ITGB2: variants seen among roughly 807,000 people sequenced by gnomAD.
ITGB2 encodes the protein integrin subunit beta 2.
ITGB2 carries 56 observed loss-of-function variants against 86.8 expected under a neutral mutation model. The ratio of observed to expected loss-of-function variants is 0.65; its 90% CI spans 0.52 to 0.81. ITGB2 has a LOEUF of 0.81. Ranked by LOEUF, ITGB2 falls within the 30% of genes least tolerant of loss-of-function variation. The pLI is 0.00. For synonymous variants in ITGB2, 457 were observed against 450.4 expected (o/e 1.01, Z -0.19); for missense variants, 948 against 1,061.2 (o/e 0.89, Z 1.48).
chr21:44,899,632 G>A (rs897545796), intron 7 of ITGB2, among the ~76,000 whole-genome samples: 5 of 152,204 alleles, frequency 3.3e-5, no homozygotes, highest in South Asian at 4.1e-4. Flanking sequence ...AGCCTACAAC[G>A]TCAGGCTGCA....
At position 44,903,381 on chromosome 21, in the gene ITGB2, G is replaced by C; in HGVS notation, c.483C>G (p.Thr161=). Residue 161 remains threonine, a synonymous_variant, in exon 5 of 16, where the codon ACC becomes ACG. Transcript: ENST00000652462. ...GGGCCTCACCAATGCGGCCGGACTCGGTGATCTCGTTGAGGGCCCGGAGCA... is the reference window on the plus strand; with the variant it reads ...GGGCCTCACCAATGCGGCCGGACTCCGTGATCTCGTTGAGGGCCCGGAGCA... ...GDLLRALNEI[T]ESGRIGFGSF... The C allele has an allele frequency of 1.2e-6, 2 of 1,614,102 alleles. No individual in the cohort carries two copies. Among genetic ancestry groups the C allele is most frequent in the Non-Finnish European group, 1.7e-6 (2 of 1,179,976 alleles).
At chr21:44,923,267 T>C (rs559192452), upstream of ITGB2, among the ~76,000 whole-genome samples, 1 of 152,266 alleles carries the variant, frequency 6.6e-6, no homozygotes. Context: ...AGAGAGACCC[T>C]TTAGATTAAG....
At chr21:44,888,671 C>A in intron 14 of ITGB2, 22 bp downstream of exon 14, 1 of 1,603,486 alleles carries the variant, frequency 6.2e-7, no homozygotes, top group South Asian at 1.1e-5. Context: ...AGCCGGTCCC[C>A]GCTGCACCCC....
intron 12 of ITGB2, 111 bp from the exon 13 acceptor site, chr21:44,889,606 G>T: frequency 9.5e-7 from 1 of 1,052,342 alleles, no homozygotes; most frequent in Non-Finnish European, 1.4e-6. Context: ...CCAGCCTGGG[G>T]GATGTTCCTG....
chr21:44,903,971 C>T lies in ITGB2; in HGVS notation c.329-436G>A, dbSNP rs1234266479. 2.0e-5 allele frequency among the ~76,000 whole-genome samples: 3 copies of T among 152,298 alleles called. No individual in the cohort carries two copies. The East Asian group carries it at 5.8e-4, about 29-fold the overall frequency. Reference sequence around the variant, plus strand: ...CCCAGCAAGGCCCACGCGGGCCGTCCCCAGGAGGCCCCTTTCTCCATCCCA... The same window carrying T: ...CCCAGCAAGGCCCACGCGGGCCGTCTCCAGGAGGCCCCTTTCTCCATCCCA... On this transcript the variant is annotated intron_variant, in intron 4 of 15. Transcript: ENST00000652462.
intron 2 of ITGB2, 44 bp downstream of exon 2, chr21:44,910,681 G>T: frequency 6.3e-7 from 1 of 1,597,994 alleles, no homozygotes; most frequent in Non-Finnish European, 8.6e-7. Context: ...CTCCCTGATT[G>T]GAATGTCACG....
chr21:44,924,545 AC>A (rs1412926542), upstream of ITGB2, among the ~76,000 whole-genome samples: 1 of 152,240 alleles, frequency 6.6e-6, no homozygotes, highest in African/African-American at 2.4e-5. Flanking sequence ...CAATTATGTT[AC>A]AAAGTGGGAC....
chr21:44,910,707 G>A lies in ITGB2; in HGVS notation c.58+18C>T, dbSNP rs753262696. ...GAATGTCACGCGTGGAGTCCCCTCC[G>A]TGGAACACAGAACTCACCGCACCCG... is the stretch of plus-strand genomic sequence containing the variant. On this transcript the variant is annotated intron_variant, in intron 2 of 15. Coordinates refer to ENST00000652462, the MANE Select transcript of ITGB2 (RefSeq NM_000211.5). The A allele has an allele frequency of 1.2e-5, 19 of 1,613,246 alleles. No individual in the cohort carries two copies. The highest frequency in any genetic ancestry group is 7.7e-5 in the South Asian group (7 of 90,992).
chr21:44,911,988 G>A (rs2084141341), intron 1 of ITGB2, among the ~76,000 whole-genome samples: 1 of 152,144 alleles, frequency 6.6e-6, no homozygotes, highest in Admixed American at 6.5e-5. Flanking sequence ...CTTTTATCTG[G>A]CACCAAGAAG....
rs1017648068 is a variant in ITGB2 at position 44,920,824 on chromosome 21, C to T, written c.-7G>A. 2.6e-5 allele frequency: 4 copies of T among 152,524 alleles called. No homozygotes were observed. The highest frequency in any genetic ancestry group is 7.2e-5 in the African/African-American group (3 of 41,464). The allele number at this position is 152,524 out of a possible 1,614,324, so 9.4% of individuals were successfully genotyped here. ...AGCGGGGCCTCTGCACACTCACCCT[C>T]GGTGTGCTGGAGTCCTCGGCGGTGC... On this transcript the variant is annotated 5_prime_UTR_variant, in exon 1 of 16. Transcript: ENST00000652462.
chr21:44,914,519 A>G (rs1164664079), intron 1 of ITGB2, among the ~76,000 whole-genome samples: 1 of 152,234 alleles, frequency 6.6e-6, no homozygotes, highest in Non-Finnish European at 1.5e-5. Context: ...AGCTCTGAAC[A>G]TTCAGGCTCT....
Position 44,889,446 on chromosome 21 carries a change from C to G in ITGB2, c.1707G>C (p.Glu569Asp), listed in dbSNP as rs753758717. 1.9e-6 allele frequency: 3 copies of G among 1,603,898 alleles called. No homozygotes were observed. Among genetic ancestry groups the G allele is most frequent in the Non-Finnish European group, 2.6e-6 (3 of 1,175,730 alleles). The change falls in exon 13 of 16, where the codon GAG becomes GAC. Residue 569 changes from glutamate (E) to aspartate (D), a missense_variant. By Grantham distance (45) the Glu-to-Asp change is conservative. Coordinates refer to ENST00000652462, the MANE Select transcript of ITGB2 (RefSeq NM_000211.5). ...CGKCRCHPGFEGSACQCERTT... is the reference protein window; with the variant it reads ...CGKCRCHPGFDGSACQCERTT... ...TCCTCTCGCACTGGCACGCTGAGCC[C>G]TCAAAGCCCGGGTGGCAGCGGCACT...
chr21:44,886,397 C>T lies in ITGB2; in HGVS notation c.2281G>A (p.Val761Ile). 1 of 1,614,146 alleles carries T rather than the reference C, an allele frequency of 6.2e-7. No individual in the cohort carries two copies. Among genetic ancestry groups the T allele is most frequent in the Non-Finnish European group, 8.5e-7 (1 of 1,179,992 alleles). The change falls in exon 16 of 16, where the codon GTC becomes ATC. Residue 761 changes from valine to isoleucine, a missense_variant. By Grantham distance (29) the Val-to-Ile change is conservative. Coordinates refer to ENST00000652462, the MANE Select transcript of ITGB2 (RefSeq NM_000211.5). ...CTCTCAGCAAACTTGGGGTTCATGA[C>T]CGTCGTGGTGGCGCTCTTGAAAAGG... Reference protein sequence around the residue: ...NPLFKSATTTVMNPKFAES With the variant: ...NPLFKSATTTIMNPKFAES
chr21:44,891,721 G>A (rs746447931), intron 11 of ITGB2, 88 bp downstream of exon 11: 4 of 1,442,632 alleles, frequency 2.8e-6, no homozygotes, highest in Non-Finnish European at 3.8e-6. Context: ...GGAAGGGATG[G>A]AGCCACCTGC....
At chr21:44,923,251 G>A (rs1410387107), upstream of ITGB2, among the ~76,000 whole-genome samples, 3 of 152,124 alleles carry the variant, frequency 2.0e-5, no homozygotes, top group Non-Finnish European at 2.9e-5. Flanking sequence ...GAGGAGAGAC[G>A]AAGGGAGAGA....
At chr21:44,923,253 A>T (rs568377580), upstream of ITGB2, among the ~76,000 whole-genome samples, 2 of 152,184 alleles carry the variant, frequency 1.3e-5, no homozygotes, top group Non-Finnish European at 1.5e-5. Context: ...GGAGAGACGA[A>T]GGGAGAGAGA....
chr21:44,904,555 CAT>C (rs1395638083), intron 4 of ITGB2, among the ~76,000 whole-genome samples: 1 of 151,358 alleles, frequency 6.6e-6, no homozygotes, highest in Non-Finnish European at 1.5e-5. Flanking sequence ...ACCTCACACT[CAT>C]ACACAACACC....
At chr21:44,906,680 C>T (rs536586350) in intron 4 of ITGB2, among the ~76,000 whole-genome samples, 1 of 152,184 alleles carries the variant, frequency 6.6e-6, no homozygotes, top group Admixed American at 6.5e-5. Context: ...CGAGAGAGTG[C>T]AGACACTGGG....
At chr21:44,886,569 C>A in intron 15 of ITGB2, 139 bp from the exon 16 acceptor site, 2 of 1,394,786 alleles carry the variant, frequency 1.4e-6, no homozygotes, top group Non-Finnish European at 2.0e-6. Context: ...AGGGTCCCAG[C>A]ACCGGCAGCC....
Sources: allele counts gnomAD v4.1 joint callset (sites outside exome capture counted in the v4.1 genomes callset), GRCh38; gene constraint gnomAD v4.1.1; transcripts MANE v1.5; gene names NCBI Gene and HGNC (gene_info 2026-07-23, HGNC 2026-07-21).